Variants in SHPRH observed in about 807,000 individuals in gnomAD.
The protein encoded by SHPRH is SNF2 histone linker PHD RING helicase, also known as E3 ubiquitin-protein ligase SHPRH.
In SHPRH, 106 loss-of-function variants were observed where a neutral mutation model predicts 202.5. The observed-to-expected ratio is 0.52, with a 90% CI of 0.45 to 0.62. The LOEUF is 0.62. SHPRH is among the 20% of genes least tolerant of loss of function. The probability of loss-of-function intolerance (pLI) is 0.00; values close to 1 mark genes in which losing one functional copy is unlikely to be tolerated. For missense variants in SHPRH, 1,710 were observed against 2,020.0 expected, an observed-to-expected ratio of 0.85 and a Z score of 2.94; for synonymous variants, 729 against 686.0, an observed-to-expected ratio of 1.06 and a Z score of -0.98.
intron 11 of SHPRH, among the ~76,000 whole-genome samples, chr6:145,939,076 T>G (rs1786443755): frequency 6.6e-6 from 1 of 152,102 alleles, no homozygotes; most frequent in Admixed American, 6.5e-5. Context: ...AAACCCTAGT[T>G]TAGCACAAAA....
At chr6:145,938,846 G>A (rs1403862193) in intron 11 of SHPRH, among the ~76,000 whole-genome samples, 3 of 152,150 alleles carry the variant, frequency 2.0e-5, no homozygotes, top group Admixed American at 2.0e-4. Flanking sequence ...TAGACATAGG[G>A]TGTGGCGGGT....
intron 23 of SHPRH, among the ~76,000 whole-genome samples, chr6:145,914,897 C>T (rs1444694631): frequency 6.6e-6 from 1 of 151,880 alleles, no homozygotes; most frequent in Non-Finnish European, 1.5e-5. Context: ...GATAAATGTT[C>T]CACGTACACC....
chr6:145,959,125 G>C (rs755849704), intron 1 of SHPRH, among the ~76,000 whole-genome samples: 5 of 152,024 alleles, frequency 3.3e-5, no homozygotes, highest in Non-Finnish European at 7.4e-5. Context: ...GTGAGCCACC[G>C]CGCCTAGCCG....
intron 25 of SHPRH, chr6:145,906,797 T>G (rs1221496960): frequency 6.6e-6 from 1 of 152,136 alleles, no homozygotes; most frequent in East Asian, 1.9e-4. Context: ...GCCTCTACAT[T>G]TGTATTAAAA....
chr6:145,960,671 T>C (rs1376383298), intron 1 of SHPRH, among the ~76,000 whole-genome samples: 3 of 152,204 alleles, frequency 2.0e-5, no homozygotes, highest in African/African-American at 7.2e-5. Context: ...AATTTTCTCA[T>C]CTCTAAAATG....
chr6:145,860,786 G>C (rs967773864), downstream of SHPRH, among the ~76,000 whole-genome samples: 10 of 152,154 alleles, frequency 6.6e-5, no homozygotes, highest in African/African-American at 2.2e-4. Flanking sequence ...TATGGTACTG[G>C]AATAAAAACA....
chr6:145,910,023 A>C (rs1783350185), intron 25 of SHPRH: 1 of 154,040 alleles, frequency 6.5e-6, no homozygotes, highest in Admixed American at 6.5e-5. Flanking sequence ...AGCTGTCTTC[A>C]TTAGCCAATT....
chr6:145,929,191 T>A (rs1022803581), intron 14 of SHPRH, among the ~76,000 whole-genome samples: 1 of 151,932 alleles, frequency 6.6e-6, no homozygotes, highest in Non-Finnish European at 1.5e-5. Flanking sequence ...TATTCAATGT[T>A]ATAAAGGTTT....
In SHPRH at chr6:145,945,456, G is replaced by C; in HGVS notation, c.1503C>G (p.Gly501=). The C allele has an allele frequency of 6.2e-7, 1 of 1,613,022 alleles. No homozygotes were observed. Among genetic ancestry groups the C allele is most frequent in the Non-Finnish European group, 8.5e-7 (1 of 1,179,486 alleles). The change falls in exon 8 of 30, where the codon GGC becomes GGG. Residue 501 remains glycine, a synonymous_variant. Coordinates refer to ENST00000275233, the MANE Select transcript of SHPRH (RefSeq NM_001042683.3). ...ATGTAAAAGTCCCAGAAAAACCATG[G>C]CCTTTGATCTGTTTCACGAGACCTT... ...IFEGLVKQIK[G]HGFSGTFTLG... is the part of the protein sequence containing the mutation.
At chr6:145,909,689 A>C (rs1442061576) in intron 25 of SHPRH, 1 of 152,136 alleles carries the variant, frequency 6.6e-6, no homozygotes, top group Non-Finnish European at 1.5e-5. Flanking sequence ...ATCATTCTCT[A>C]ATTCTCATTC....
rs772564286 is a variant in SHPRH, at chr6:145,943,531, C to T, written c.1850G>A (p.Ser617Asn). 32 of 1,613,866 alleles carry T rather than the reference C, an allele frequency of 2.0e-5. No individual in the cohort carries two copies. In the South Asian group the frequency reaches 3.5e-4, roughly 18 times the overall value. ...TTGGTTGAATTCAGAGATACATGTACTTTTAGACATAGCAACATCAGTTAT... is the reference window on the plus strand; with the variant it reads ...TTGGTTGAATTCAGAGATACATGTATTTTTAGACATAGCAACATCAGTTAT... The part of the protein sequence containing the change: ...SGITDVAMSK[S>N]TCISEFNQEH... Residue 617 changes from serine (S) to asparagine (N), a missense_variant, in exon 9 of 30, where the codon AGT becomes AAT. Physicochemically the swap from Ser to Asn is conservative, Grantham distance 46 (BLOSUM62 1). Transcript: ENST00000275233.
chr6:145,910,572 T>C lies in SHPRH; in HGVS notation c.4391A>G (p.Tyr1464Cys). Residue 1464 changes from tyrosine to cysteine, a missense_variant, in exon 25 of 30, where the codon TAC becomes TGC. Physicochemically the swap from Tyr to Cys is radical, Grantham distance 194 (BLOSUM62 -2). Transcript: ENST00000275233. ...NECISIIIEQ[Y>C]SVGSHRSSIK... Reference sequence around the variant, plus strand: ...GGAGCTTCTGTGAGATCCCACGCTGTATTGTTCAATAATTATAGAAATGCA... The same window carrying C: ...GGAGCTTCTGTGAGATCCCACGCTGCATTGTTCAATAATTATAGAAATGCA... 6.2e-7 allele frequency: 1 copy of C among 1,613,020 alleles called. No individual in the cohort carries two copies. Among genetic ancestry groups the C allele is most frequent in the Non-Finnish European group, 8.5e-7 (1 of 1,179,536 alleles).
chr6:145,953,415 A>G (rs1270433523), intron 2 of SHPRH, among the ~76,000 whole-genome samples: 1 of 152,140 alleles, frequency 6.6e-6, no homozygotes, highest in East Asian at 1.9e-4. Context: ...CGTAGATAGA[A>G]CACAGATATG....
chr6:145,928,498 T>A (rs1322031896), intron 14 of SHPRH, among the ~76,000 whole-genome samples: 1 of 151,946 alleles, frequency 6.6e-6, no homozygotes, highest in East Asian at 1.9e-4. Flanking sequence ...TTTATGAATA[T>A]CATGTAATTA....
intron 6 of SHPRH, among the ~76,000 whole-genome samples, chr6:145,947,258 G>T (rs1007778691): frequency 6.6e-6 from 1 of 152,034 alleles, no homozygotes; most frequent in African/African-American, 2.4e-5. Context: ...AGAAAGTTCA[G>T]TAAGTGATCA....
At chr6:145,888,236 C>T (rs1162942698) in intron 28 of SHPRH, 136 bp from the exon 29 acceptor site, 4 of 562,296 alleles carry the variant, frequency 7.1e-6, no homozygotes, top group East Asian at 3.0e-5. Flanking sequence ...GGTTCAGCAG[C>T]GAATAAAATG....
At position 145,925,943 on chromosome 6, in the gene SHPRH, C is replaced by G. The variant is rs558048872; in HGVS notation, c.3294+261G>C. Reference sequence around the variant, plus strand: ...TTTTTTAAAACTCATTTATTTACATCCCATTCTGTTGGCTACCAACAGCCA... The same window carrying G: ...TTTTTTAAAACTCATTTATTTACATGCCATTCTGTTGGCTACCAACAGCCA... On this transcript the variant is annotated intron_variant, in intron 16 of 29. Transcript: ENST00000275233. Among the ~76,000 whole-genome samples, 17 of 151,994 alleles carry G rather than the reference C, an allele frequency of 1.1e-4. No homozygotes were observed. In the Middle Eastern group the frequency reaches 0.014, roughly 122 times the overall value.
intron 14 of SHPRH, among the ~76,000 whole-genome samples, chr6:145,928,894 G>T (rs1205080539): frequency 6.6e-6 from 1 of 151,806 alleles, no homozygotes; most frequent in Non-Finnish European, 1.5e-5. Context: ...TATAACGTAG[G>T]CATTAACATT....
intron 2 of SHPRH, among the ~76,000 whole-genome samples, chr6:145,875,638 G>C (rs2128695066): frequency 6.6e-6 from 1 of 152,310 alleles, no homozygotes; most frequent in East Asian, 1.9e-4. Context: ...AAGTGTGCCA[G>C]ATTAGACCTT....
Sources: allele counts gnomAD v4.1 joint callset (sites outside exome capture counted in the v4.1 genomes callset), GRCh38; gene constraint gnomAD v4.1.1; transcripts MANE v1.5; gene names NCBI Gene and HGNC (gene_info 2026-07-23, HGNC 2026-07-21).